Variants in TSHZ2 observed in about 807,000 individuals in gnomAD.
TSHZ2 encodes teashirt zinc finger homeobox 2, also known as teashirt homolog 2.
TSHZ2 carries 21 observed loss-of-function variants against 74.4 expected under a neutral mutation model. That is an observed-to-expected ratio of 0.28 (90% CI 0.20 to 0.41). The LOEUF is 0.41. Ranked by LOEUF, TSHZ2 falls within the 10% of genes least tolerant of loss-of-function variation. The pLI is 1.00. For synonymous variants in TSHZ2, 540 were observed against 515.3 expected (o/e 1.05, Z -0.65); for missense variants, 1,244 against 1,293.5 (o/e 0.96, Z 0.59).
At chr20:53,429,469 C>T (rs768238920) in intron 2 of TSHZ2, among the ~76,000 whole-genome samples, 1 of 152,188 alleles carries the variant, frequency 6.6e-6, no homozygotes, top group African/African-American at 2.4e-5. Flanking sequence ...ATAAGTCTCA[C>T]GAGACCTGAT....
At chr20:52,999,171 G>A (rs888259304) in intron 1 of TSHZ2, among the ~76,000 whole-genome samples, 29 of 152,214 alleles carry the variant, frequency 1.9e-4, no homozygotes, top group African/African-American at 7.0e-4. Flanking sequence ...TCTCCCTTGG[G>A]TTGGAATCAG....
At chr20:53,441,275 A>ATTTTATTTTAT (rs1469991178) in intron 2 of TSHZ2, among the ~76,000 whole-genome samples, 18 of 117,738 alleles carry the variant, frequency 1.5e-4, no homozygotes, top group Non-Finnish European at 2.8e-4. Context: ...ATTTTATTTT[A>ATTTTATTTTAT]TTTATTTTGA....
rs1469281652 is a variant in TSHZ2 at position 53,474,800 on chromosome 20, A to G, written c.*9-12344A>G. Among the ~76,000 whole-genome samples, 16 of 138,444 alleles carry G rather than the reference A, an allele frequency of 1.2e-4. No individual in the cohort carries two copies. The East Asian group carries it at 1.2e-3, about 10-fold the overall frequency. 90.8% of individuals were successfully genotyped at this position (138,444 alleles called of 152,430 possible). A position where few individuals can be genotyped will look rare whatever the true frequency, so the allele number is the denominator to read the frequency against. The stretch of plus-strand genomic sequence containing the variant: ...GAGACACACATAGGCTCAAAATAAA[A>G]GGATGGAGGAAGATCTACCAAGCAA... On this transcript the variant is annotated intron_variant, in intron 2 of 2. Transcript: ENST00000371497.
chr20:53,417,628 A>G (rs1370489227), intron 2 of TSHZ2, among the ~76,000 whole-genome samples: 1 of 152,054 alleles, frequency 6.6e-6, no homozygotes, highest in Non-Finnish European at 1.5e-5. Context: ...GAATAACGTG[A>G]TAGGAATTTG....
At chr20:53,126,155 C>T (rs1986941800) in intron 1 of TSHZ2, among the ~76,000 whole-genome samples, 3 of 152,226 alleles carry the variant, frequency 2.0e-5, no homozygotes, top group Admixed American at 6.5e-5. Context: ...ACCTGAACAA[C>T]ACTAGTGCTC....
At chr20:53,300,215 C>A (rs113859431) in intron 2 of TSHZ2, among the ~76,000 whole-genome samples, 4 of 152,158 alleles carry the variant, frequency 2.6e-5, no homozygotes, top group African/African-American at 7.2e-5. Context: ...TCGTAATGAT[C>A]TTTAGGAGAG....
chr20:53,043,167 C>CAT (rs1349490085), intron 1 of TSHZ2, among the ~76,000 whole-genome samples: 3 of 152,126 alleles, frequency 2.0e-5, no homozygotes, highest in Non-Finnish European at 2.9e-5. Flanking sequence ...TTTGATTGTG[C>CAT]ATAAAAAAAT....
At position 53,148,242 on chromosome 20, in the gene TSHZ2, G is replaced by A. The variant is rs184723034; in HGVS notation, c.41-105257G>A. Among the ~76,000 whole-genome samples, 112 of 152,228 alleles carry A rather than the reference G, an allele frequency of 7.4e-4. 1 individual carries two copies. Among genetic ancestry groups the A allele is most frequent in the African/African-American group, 2.4e-3 (99 of 41,532 alleles). On this transcript the variant is annotated intron_variant, in intron 1 of 2. Transcript: ENST00000371497. ...TTGATCTCAAATGTCTAGAACAGTGGTTCTCAACTGGGGCAACTTCATTTC... is the reference window on the plus strand; with the variant it reads ...TTGATCTCAAATGTCTAGAACAGTGATTCTCAACTGGGGCAACTTCATTTC...
rs11468763 is a variant in TSHZ2, at chr20:53,003,255, GGTGTGTGTGTGTGT to G, written c.40+29950_40+29963del. Among the ~76,000 whole-genome samples, 362 of 139,606 alleles carry G rather than the reference GGTGTGTGTGTGTGT, an allele frequency of 2.6e-3. 1 individual carries two copies. Among genetic ancestry groups the G allele is most frequent in the African/African-American group, 9.1e-3 (331 of 36,556 alleles). The allele number at this position is 139,606 out of a possible 152,430, so 91.6% of individuals were successfully genotyped here. ...CAGCCTCCTGTTTTTCTCCAGGGAT[GGTGTGTGTGTGTGT>G]GTGTGTGTGTGTGTGTGTGTGTGTG... On this transcript the variant is annotated intron_variant, in intron 1 of 2. Transcript: ENST00000371497.
intron 1 of TSHZ2, among the ~76,000 whole-genome samples, chr20:53,026,972 G>A (rs980097829): frequency 5.9e-5 from 9 of 151,688 alleles, no homozygotes; most frequent in African/African-American, 1.5e-4. Context: ...TAAAGACAGC[G>A]AGACCCTGTC....
intron 1 of TSHZ2, among the ~76,000 whole-genome samples, chr20:53,117,141 C>A (rs909502807): frequency 6.6e-6 from 1 of 152,156 alleles, no homozygotes; most frequent in African/African-American, 2.4e-5. Flanking sequence ...CTAAGTACTT[C>A]CCAAAGCCCC....
intron 1 of TSHZ2, among the ~76,000 whole-genome samples, chr20:53,247,847 GT>G (rs1990242157): frequency 6.6e-6 from 1 of 152,136 alleles, no homozygotes; most frequent in South Asian, 2.1e-4. Flanking sequence ...TTGTTCTTAT[GT>G]TATGATTCCA....
At chr20:53,276,464 C>T (rs957190794) in intron 2 of TSHZ2, among the ~76,000 whole-genome samples, 1 of 152,130 alleles carries the variant, frequency 6.6e-6, no homozygotes, top group Non-Finnish European at 1.5e-5. Context: ...AGTGAGGAAC[C>T]ATGGTCAGGC....
intron 1 of TSHZ2, among the ~76,000 whole-genome samples, chr20:53,023,125 C>T (rs902180524): frequency 6.6e-6 from 1 of 152,082 alleles, no homozygotes; most frequent in Non-Finnish European, 1.5e-5. Context: ...TCTTGAAATC[C>T]CAGGATGGAA....
intron 2 of TSHZ2, among the ~76,000 whole-genome samples, chr20:53,458,526 G>A (rs1328537661): frequency 1.3e-5 from 2 of 152,006 alleles, no homozygotes; most frequent in African/African-American, 4.8e-5. Context: ...GGATTCACTA[G>A]TTTTTTGAAG....
chr20:53,104,547 T>G (rs1007003003), intron 1 of TSHZ2, among the ~76,000 whole-genome samples: 5 of 152,198 alleles, frequency 3.3e-5, no homozygotes, highest in Non-Finnish European at 7.3e-5. Flanking sequence ...TGTTTTTTCC[T>G]TAAATGTTAA....
chr20:53,469,687 CGGA>C (rs1985715608), intron 2 of TSHZ2, among the ~76,000 whole-genome samples: 1 of 14,744 alleles, frequency 6.8e-5, no homozygotes, highest in African/African-American at 3.0e-4. Context: ...GAAGGAAGGA[CGGA>C]CCCAAGAAAG....
At chr20:53,059,260 A>G (rs1024607801) in intron 1 of TSHZ2, among the ~76,000 whole-genome samples, 1 of 152,252 alleles carries the variant, frequency 6.6e-6, no homozygotes, top group African/African-American at 2.4e-5. Flanking sequence ...TGAGCTAAGT[A>G]GATGAACACA....
At chr20:53,000,569 A>G (rs374247356) in intron 1 of TSHZ2, among the ~76,000 whole-genome samples, 1 of 152,212 alleles carries the variant, frequency 6.6e-6, no homozygotes, top group African/African-American at 2.4e-5. Flanking sequence ...TTTGAAATCA[A>G]TTTTTAAAAA....
Sources: gnomAD v4.1 joint callset for allele counts (sites outside exome capture counted in the v4.1 genomes callset) on GRCh38, gnomAD v4.1.1 for gene constraint, MANE v1.5 for transcripts, NCBI Gene and HGNC (gene_info 2026-07-23, HGNC 2026-07-21) for gene names.